Variants in PTGER3 observed in about 807,000 individuals in gnomAD.
PTGER3 encodes the protein prostaglandin E receptor 3.
PTGER3 carries 22 observed loss-of-function variants against 34.7 expected under a neutral mutation model. The ratio of observed to expected loss-of-function variants is 0.63; its 90% CI spans 0.45 to 0.91. The LOEUF (loss-of-function observed/expected upper bound fraction) is 0.91, where lower values mean the gene tolerates loss of function less well. Ranked by LOEUF, PTGER3 falls within the 40% of genes least tolerant of loss-of-function variation. The probability of loss-of-function intolerance (pLI) is 0.00; values close to 1 mark genes in which losing one functional copy is unlikely to be tolerated. For synonymous variants in PTGER3, 241 were observed against 230.1 expected (o/e 1.05, Z -0.43); for missense variants, 468 against 519.4 (o/e 0.90, Z 0.96).
chr1:70,873,298 T>C (rs1054504679), intron 4 of PTGER3, among the ~76,000 whole-genome samples: 4 of 152,210 alleles, frequency 2.6e-5, no homozygotes, highest in African/African-American at 9.6e-5. Context: ...TATGGTCCAT[T>C]GATGGAACAT....
chr1:71,005,050 T>C (rs556756038), intron 2 of PTGER3, among the ~76,000 whole-genome samples: 2 of 152,296 alleles, frequency 1.3e-5, no homozygotes, highest in South Asian at 4.1e-4. Context: ...CCATAGTACA[T>C]TTGGCAATGT....
intron 2 of PTGER3, among the ~76,000 whole-genome samples, chr1:70,956,930 G>A (rs1238210260): frequency 2.0e-5 from 3 of 152,152 alleles, no homozygotes; most frequent in African/African-American, 4.8e-5. Flanking sequence ...GGGAGTCGGA[G>A]GTTCCTGTGA....
At chr1:70,987,284 C>T (rs1655013503) in intron 2 of PTGER3, among the ~76,000 whole-genome samples, 1 of 152,112 alleles carries the variant, frequency 6.6e-6, no homozygotes, top group South Asian at 2.1e-4. Flanking sequence ...GAATATATGT[C>T]TAAAGACAAA....
At chr1:70,974,741 C>G (rs1051548041) in intron 2 of PTGER3, among the ~76,000 whole-genome samples, 2 of 152,156 alleles carry the variant, frequency 1.3e-5, no homozygotes, top group Non-Finnish European at 2.9e-5. Context: ...TCCCATTGCT[C>G]TGGGATAAAG....
intron 1 of PTGER3, among the ~76,000 whole-genome samples, chr1:71,016,266 G>A (rs1208012493): frequency 6.6e-6 from 1 of 152,106 alleles, no homozygotes; most frequent in Non-Finnish European, 1.5e-5. Flanking sequence ...GTTCAGAGGA[G>A]CATTATATAT....
intron 4 of PTGER3, among the ~76,000 whole-genome samples, chr1:70,916,115 G>A (rs1023433746): frequency 2.6e-5 from 4 of 151,562 alleles, no homozygotes; most frequent in Non-Finnish European, 5.9e-5. Context: ...TACAAGCAAC[G>A]AACAAACATA....
intron 1 of PTGER3, among the ~76,000 whole-genome samples, chr1:71,027,956 T>C (rs66904764): frequency 0.28 from 42,301 of 152,132 alleles, 6,427 homozygotes; most frequent in East Asian, 0.44. Context: ...GTGGCTACTA[T>C]GCTACTATGC....
At chr1:70,966,515 A>G (rs978043759), downstream of PTGER3, among the ~76,000 whole-genome samples, 3 of 152,114 alleles carry the variant, frequency 2.0e-5, no homozygotes, top group African/African-American at 7.2e-5. Flanking sequence ...TGCATGCACA[A>G]AACGTGCAGG....
intron 2 of PTGER3, among the ~76,000 whole-genome samples, chr1:70,974,913 C>T (rs944934798): frequency 1.3e-5 from 2 of 152,118 alleles, no homozygotes; most frequent in African/African-American, 4.8e-5. Context: ...ACCTCAGGGC[C>T]TTTGTACTTG....
chr1:70,959,354 T>C (rs1009377187), intron 2 of PTGER3, among the ~76,000 whole-genome samples: 1 of 8,142 alleles, frequency 1.2e-4, no homozygotes, highest in Non-Finnish European at 2.1e-4. Context: ...CCTCTTCAAT[T>C]TTTTTTTTTT....
chr1:70,966,471 T>A (rs1183895161), downstream of PTGER3, among the ~76,000 whole-genome samples: 2 of 152,186 alleles, frequency 1.3e-5, no homozygotes, highest in African/African-American at 4.8e-5. Context: ...TTTTTCATTG[T>A]TTACATTTTT....
chr1:71,004,386 C>A (rs1656756437), intron 2 of PTGER3, among the ~76,000 whole-genome samples: 2 of 152,116 alleles, frequency 1.3e-5, no homozygotes, highest in Admixed American at 6.6e-5. Flanking sequence ...GATAATAACT[C>A]TAGACCTGAG....
intron 4 of PTGER3, among the ~76,000 whole-genome samples, chr1:70,861,198 G>T (rs746125683): frequency 2.0e-5 from 3 of 152,234 alleles, no homozygotes; most frequent in Middle Eastern, 3.4e-3. Context: ...ATTCAAAGAG[G>T]TCCTAAATAC....
intron 1 of PTGER3, among the ~76,000 whole-genome samples, chr1:71,029,931 A>ATAG (rs1659258641): frequency 5.9e-5 from 2 of 33,878 alleles, no homozygotes; most frequent in Admixed American, 6.0e-4. Context: ...ATCTCAAATA[A>ATAG]TAATAATAAT....
At chr1:70,895,780 G>A (rs971696668) in intron 4 of PTGER3, among the ~76,000 whole-genome samples, 37 of 152,320 alleles carry the variant, frequency 2.4e-4, no homozygotes, top group East Asian at 1.7e-3. Flanking sequence ...TGTTTTGATT[G>A]TGTCTGTTAT....
intron 2 of PTGER3, chr1:71,007,210 T>C: frequency 2.0e-6 from 2 of 985,648 alleles, no homozygotes; most frequent in Non-Finnish European, 2.4e-6. Flanking sequence ...TGATTTCAGC[T>C]CCTCCTAGGC....
chr1:70,985,193 A>G (rs1654797401), intron 2 of PTGER3, among the ~76,000 whole-genome samples: 3 of 152,160 alleles, frequency 2.0e-5, no homozygotes, highest in Non-Finnish European at 4.4e-5. Context: ...CGGGAGAAAG[A>G]ACAGAAACAC....
intron 4 of PTGER3, among the ~76,000 whole-genome samples, chr1:70,901,866 G>A (rs1646846545): frequency 2.0e-5 from 3 of 152,164 alleles, no homozygotes; most frequent in Admixed American, 1.3e-4. Flanking sequence ...AAAAGGATAC[G>A]GGAAAGTAAA....
At chr1:70,986,720 A>G (rs921700586) in intron 2 of PTGER3, among the ~76,000 whole-genome samples, 7 of 152,190 alleles carry the variant, frequency 4.6e-5, no homozygotes, top group African/African-American at 1.7e-4. Context: ...TACCTGCATT[A>G]TCACAAGGGT....
Sources: allele counts gnomAD v4.1 joint callset (sites outside exome capture counted in the v4.1 genomes callset), GRCh38; gene constraint gnomAD v4.1.1; transcripts MANE v1.5; gene names NCBI Gene and HGNC (gene_info 2026-07-23, HGNC 2026-07-21).